PDE1A: variants seen among roughly 807,000 people sequenced by gnomAD.
PDE1A encodes phosphodiesterase 1A, also known as dual specificity calcium/calmodulin-dependent 3',5'-cyclic nucleotide phosphodiesterase 1A.
Under a neutral mutation model 61.7 loss-of-function variants are expected in PDE1A, and 35 were observed. The observed-to-expected ratio is 0.57, with a 90% confidence interval of 0.43 to 0.75. PDE1A has a LOEUF of 0.75. Ranked by LOEUF, PDE1A falls within the 30% of genes least tolerant of loss-of-function variation. PDE1A has a pLI of 0.00. For synonymous variants in PDE1A, 232 were observed against 213.2 expected (o/e 1.09, Z -0.77); for missense variants, 597 against 630.6 (o/e 0.95, Z 0.57).
rs891850958 is a variant in PDE1A, at chr2:182,359,102, A to G, written c.53+67476T>C. On this transcript the variant is annotated intron_variant, in intron 1 of 13. Transcript: ENST00000351439. ...CTGTGGATGTTTCTTGAACAAGTTA[A>G]CATTGTTTGAACATGTGTAAGTCTT... is the stretch of plus-strand genomic sequence containing the variant. Among the ~76,000 whole-genome samples the G allele has an allele frequency of 1.1e-4, 16 of 152,208 alleles. 2 individuals carry two copies. The highest frequency in any genetic ancestry group is 5.9e-4 in the Admixed American group (9 of 15,252).
chr2:182,241,692 T>G, intron 2 of PDE1A: 6 of 618,814 alleles, frequency 9.7e-6, no homozygotes, highest in Admixed American at 3.7e-5. Context: ...AATGTATTTA[T>G]GAAATACCTT....
At chr2:182,565,083 C>T in the PDE1A span, among the ~76,000 whole-genome samples, 3 of 152,192 alleles carry the variant, frequency 2.0e-5, no homozygotes, top group Non-Finnish European at 4.4e-5. Context: ...CAGCTTTGTT[C>T]CGTTGCTGGT....
At chr2:182,426,599 T>A (rs765730128) in exon 1 of PDE1A, 14 of 1,611,950 alleles carry the variant, frequency 8.7e-6, no homozygotes, top group Middle Eastern at 1.6e-4. Context: ...TCTTTGGAGA[T>A]GTTTCTTCCT....
chr2:182,337,866 T>C (rs1697940418), intron 1 of PDE1A, among the ~76,000 whole-genome samples: 1 of 152,212 alleles, frequency 6.6e-6, no homozygotes, highest in Non-Finnish European at 1.5e-5. Context: ...ATTAGTAATG[T>C]CTATGTCAAA....
intron 1 of PDE1A, among the ~76,000 whole-genome samples, chr2:182,304,299 T>C (rs1394787196): frequency 6.6e-6 from 1 of 152,202 alleles, no homozygotes; most frequent in Admixed American, 6.5e-5. Context: ...GGCCTTGCTC[T>C]GGATTAGGCT....
chr2:182,377,271 G>A (rs1270594401), intron 1 of PDE1A, among the ~76,000 whole-genome samples: 11 of 152,058 alleles, frequency 7.2e-5, no homozygotes, highest in African/African-American at 2.4e-4. Context: ...CATGAGATCT[G>A]GTGGATTAGA....
intron 1 of PDE1A, among the ~76,000 whole-genome samples, chr2:182,372,277 G>A (rs1367619541): frequency 6.6e-6 from 1 of 152,166 alleles, no homozygotes; most frequent in African/African-American, 2.4e-5. Flanking sequence ...TATTGTGTTT[G>A]ACATTACATA....
chr2:182,523,901 T>G (rs1425187146), upstream of PDE1A, among the ~76,000 whole-genome samples: 1 of 152,192 alleles, frequency 6.6e-6, no homozygotes, highest in Non-Finnish European at 1.5e-5. Flanking sequence ...AGTTATAATG[T>G]GTACGTAAAA....
the PDE1A span, among the ~76,000 whole-genome samples, chr2:182,697,718 C>T: frequency 2.0e-5 from 3 of 152,092 alleles, no homozygotes; most frequent in African/African-American, 7.3e-5. Context: ...CTGCTATAGG[C>T]AGATCAGTGA....
intron 7 of PDE1A, among the ~76,000 whole-genome samples, chr2:182,207,034 A>G (rs958665226): frequency 1.3e-5 from 2 of 152,184 alleles, no homozygotes; most frequent in African/African-American, 4.8e-5. Context: ...ATGAGAATGG[A>G]CTAATACAGA....
the PDE1A span, among the ~76,000 whole-genome samples, chr2:182,545,743 C>A: frequency 6.6e-6 from 1 of 152,328 alleles, no homozygotes; most frequent in South Asian, 2.1e-4. Flanking sequence ...TGACTGACTT[C>A]TGCAGCACAG....
At chr2:182,684,592 C>G in the PDE1A span, among the ~76,000 whole-genome samples, 2 of 152,024 alleles carry the variant, frequency 1.3e-5, no homozygotes, top group Admixed American at 1.3e-4. Flanking sequence ...GCTATGTCAC[C>G]CAGGCTGGAG....
chr2:182,324,997 G>A (rs1051514588), intron 1 of PDE1A, among the ~76,000 whole-genome samples: 1 of 152,202 alleles, frequency 6.6e-6, no homozygotes. Flanking sequence ...CATGGAACTA[G>A]TTATTTCTGG....
intron 1 of PDE1A, among the ~76,000 whole-genome samples, chr2:182,403,147 A>G (rs1305726852): frequency 6.7e-6 from 1 of 149,320 alleles, no homozygotes; most frequent in East Asian, 1.9e-4. Context: ...CAGAAATACC[A>G]TTTGACCCAG....
At chr2:182,228,785 G>A (rs1032637200) in intron 6 of PDE1A, among the ~76,000 whole-genome samples, 1 of 152,054 alleles carries the variant, frequency 6.6e-6, no homozygotes, top group African/African-American at 2.4e-5. Flanking sequence ...AAACACTAAA[G>A]GTCTACCACC....
chr2:182,167,417 TTCC>T (rs796328876), downstream of PDE1A, among the ~76,000 whole-genome samples: 6 of 152,062 alleles, frequency 3.9e-5, no homozygotes, highest in Admixed American at 1.3e-4. Context: ...AAGAGCCAAA[TTCC>T]TCCTCATTTT....
chr2:182,200,957 G>A (rs145253152), intron 10 of PDE1A, among the ~76,000 whole-genome samples: 5 of 152,222 alleles, frequency 3.3e-5, no homozygotes, highest in South Asian at 2.1e-4. Context: ...ATCCTTATCC[G>A]GGCTTGTTTC....
chr2:182,650,612 A>T, the PDE1A span, among the ~76,000 whole-genome samples: 1 of 152,360 alleles, frequency 6.6e-6, no homozygotes, highest in South Asian at 2.1e-4. Flanking sequence ...CAATAATGAT[A>T]AAAATGACAG....
intron 2 of PDE1A, among the ~76,000 whole-genome samples, chr2:182,520,501 T>C (rs1423292530): frequency 1.3e-5 from 2 of 151,990 alleles, no homozygotes; most frequent in Non-Finnish European, 2.9e-5. Context: ...TATCAATTCA[T>C]GAAGATCTAC....
Sources: gnomAD v4.1 joint callset for allele counts (sites outside exome capture counted in the v4.1 genomes callset) on GRCh38, gnomAD v4.1.1 for gene constraint, MANE v1.5 for transcripts, NCBI Gene and HGNC (gene_info 2026-07-23, HGNC 2026-07-21) for gene names.